The following LRRC49 variants were observed in gnomAD, a reference collection of about 807,000 sequenced individuals.
LRRC49 encodes leucine rich repeat containing 49, also known as leucine-rich repeat-containing protein 49.
In LRRC49, 50 loss-of-function variants were observed where a neutral mutation model predicts 83.3. The observed-to-expected ratio is 0.60, with a 90% confidence interval of 0.48 to 0.76. The LOEUF (loss-of-function observed/expected upper bound fraction) is 0.76, where lower values mean the gene tolerates loss of function less well. Ranked by LOEUF, LRRC49 falls within the 30% of genes least tolerant of loss-of-function variation. The pLI, the probability that LRRC49 is intolerant of heterozygous loss-of-function variation, is 0.00. For missense variants in LRRC49, 704 were observed against 809.1 expected (o/e 0.87, Z 1.58); for synonymous variants, 286 against 283.3 (o/e 1.01, Z -0.10).
intron 11 of LRRC49, among the ~76,000 whole-genome samples, chr15:70,994,442 C>T (rs1245407906): frequency 6.6e-6 from 1 of 152,032 alleles, no homozygotes; most frequent in Non-Finnish European, 1.5e-5. Context: ...AATTGTCACA[C>T]ACCTATTCTT....
At chr15:70,949,702 C>T (rs552205851) in intron 8 of LRRC49, among the ~76,000 whole-genome samples, 6 of 152,292 alleles carry the variant, frequency 3.9e-5, no homozygotes, top group African/African-American at 1.4e-4. Flanking sequence ...TATCACAATA[C>T]CTACACATCA....
chr15:71,009,897 C>G lies in LRRC49; in HGVS notation c.1498C>G (p.Pro500Ala), dbSNP rs569228547. The G allele has an allele frequency of 3.7e-6, 6 of 1,611,854 alleles. No individual in the cohort carries two copies. In the East Asian group the frequency reaches 1.1e-4, roughly 30 times the overall value. The change falls in exon 13 of 16, where the codon CCT (proline) becomes GCT (alanine). Residue 500 changes from proline (P) to alanine (A), a missense_variant. Physicochemically the swap from Pro to Ala is conservative, Grantham distance 27. Coordinates refer to ENST00000260382, the MANE Select transcript of LRRC49 (RefSeq NM_017691.5). ...TCGTATTGACCAGTTGACAATTGAT[C>G]CTCAAGGAAATCCAGTTGTCAATTT... Reference protein sequence around the residue: ...LRRIDQLTIDPQGNPVVNFTL... With the variant: ...LRRIDQLTIDAQGNPVVNFTL...
At position 71,012,846 on chromosome 15, in the gene LRRC49, A is replaced by G. The variant is rs913887001; in HGVS notation, c.1636A>G (p.Ile546Val). The G allele has an allele frequency of 3.7e-6, 6 of 1,613,168 alleles. No individual in the cohort carries two copies. The African/African-American group carries it at 8.0e-5, about 22-fold the overall frequency. The change falls in exon 14 of 16, where the codon ATC becomes GTC. Residue 546 changes from isoleucine (I) to valine (V), a missense_variant. Physicochemically the swap from Ile to Val is conservative, Grantham distance 29. Transcript: ENST00000260382. ...DMIMAERLFG[I>V]LAHVASSELP... ...GATAATGGCTGAAAGGCTCTTTGGA[A>G]TCCTAGCACATGTAGCATCTTCTGA...
Position 70,984,197 on chromosome 15 carries a change from C to G in LRRC49, c.1109C>G (p.Ser370Cys), listed in dbSNP as rs750012325. 3.0e-5 allele frequency: 49 copies of G among 1,613,268 alleles called. No individual in the cohort carries two copies. Among genetic ancestry groups the G allele is most frequent in the Non-Finnish European group, 9.3e-6 (11 of 1,179,500 alleles). ...ATNEDRKDSDSPQDPCQIDGS... is the reference protein window; with the variant it reads ...ATNEDRKDSDCPQDPCQIDGS... ...AATGAAGATAGAAAAGATTCTGACTCTCCTCAGGACCCCTGTCAGATTGAT... is the reference window on the plus strand; with the variant it reads ...AATGAAGATAGAAAAGATTCTGACTGTCCTCAGGACCCCTGTCAGATTGAT... Residue 370 changes from serine (S) to cysteine (C), a missense_variant, in exon 11 of 16, where the codon TCT becomes TGT. Physicochemically the swap from Ser to Cys is moderately radical, Grantham distance 112. This residue lies in a region of LRRC49 where 168 missense variants were observed against 140.6 expected (regional missense o/e 1.20). Coordinates refer to ENST00000260382, the MANE Select transcript of LRRC49 (RefSeq NM_017691.5).
At chr15:70,944,886 G>A (rs1170899739) in intron 8 of LRRC49, among the ~76,000 whole-genome samples, 1 of 152,054 alleles carries the variant, frequency 6.6e-6, no homozygotes, top group East Asian at 1.9e-4. Context: ...TATATAATCT[G>A]GGTATTCATT....
At chr15:70,892,139 T>G, upstream of LRRC49, 4 of 1,613,608 alleles carry the variant, frequency 2.5e-6, no homozygotes, top group Non-Finnish European at 3.4e-6. Context: ...ATTGCCTCCG[T>G]ACCAGTCGGC....
intron 9 of LRRC49, among the ~76,000 whole-genome samples, chr15:70,965,162 CTCTT>C (rs1186495344): frequency 1.3e-5 from 2 of 152,114 alleles, no homozygotes; most frequent in Non-Finnish European, 2.9e-5. Context: ...TCTTAAATTG[CTCTT>C]TCTAATGAGG....
chr15:70,873,222 A>G, exon 2 of LRRC49: 2 of 1,536,094 alleles, frequency 1.3e-6, no homozygotes, highest in Non-Finnish European at 1.7e-6. Context: ...TGCCAAGCTG[A>G]GGTAAGTCTA....
At chr15:70,855,227 C>T (rs1199918962) in intron 1 of LRRC49, among the ~76,000 whole-genome samples, 1 of 151,194 alleles carries the variant, frequency 6.6e-6, no homozygotes, top group Non-Finnish European at 1.5e-5. Context: ...CCCAGCTACT[C>T]GGGAGGCTGA....
intron 11 of LRRC49, among the ~76,000 whole-genome samples, chr15:71,002,069 A>C (rs986122154): frequency 1.6e-4 from 24 of 152,230 alleles, no homozygotes; most frequent in African/African-American, 5.8e-4. Flanking sequence ...ATTTTCTGTA[A>C]GTCTTCAAAA....
chr15:71,004,978 A>C (rs1046812360), intron 11 of LRRC49, among the ~76,000 whole-genome samples: 1 of 152,174 alleles, frequency 6.6e-6, no homozygotes, highest in Admixed American at 6.5e-5. Context: ...TGTAAAATAA[A>C]CCCCCATGAC....
chr15:70,891,567 C>CTGTGTGTGTGTGTGTGTGTGTGTGTG (rs3220843), upstream of LRRC49, among the ~76,000 whole-genome samples: 2 of 137,050 alleles, frequency 1.5e-5, no homozygotes, highest in Admixed American at 1.5e-4. Flanking sequence ...GGACAAGACT[C>CTGTGTGTGTGTGTGTGTGTGTGTGTG]TGTGTGTGTG....
At position 70,904,571 on chromosome 15, in the gene LRRC49, C is replaced by A; in HGVS notation, c.316C>A (p.Pro106Thr). Residue 106 changes from proline (P) to threonine (T), a missense_variant, in exon 5 of 16, where the codon CCT becomes ACT. By Grantham distance (38) the Pro-to-Thr change is conservative. Transcript: ENST00000260382. ...TTCTAGACAAAAGCTGACCGTATGTCCTATCATCAATGGGGAAGACCACCT... is the reference window on the plus strand; with the variant it reads ...TTCTAGACAAAAGCTGACCGTATGTACTATCATCAATGGGGAAGACCACCT... ...SLERQKLTVC[P>T]IINGEDHLRL... 1 of 1,612,916 alleles carries A rather than the reference C, an allele frequency of 6.2e-7. No homozygotes were observed. Among genetic ancestry groups the A allele is most frequent in the South Asian group, 1.1e-5 (1 of 90,996 alleles).
At chr15:70,860,118 G>A in intron 1 of LRRC49, 5 of 706,192 alleles carry the variant, frequency 7.1e-6, no homozygotes, top group Non-Finnish European at 1.3e-5. Context: ...TGAGACCCGT[G>A]ATGGGAAGCT....
At chr15:70,906,555 G>A (rs780442984) in intron 5 of LRRC49, among the ~76,000 whole-genome samples, 7 of 152,152 alleles carry the variant, frequency 4.6e-5, no homozygotes, top group Non-Finnish European at 1.0e-4. Context: ...TTTAAGCACT[G>A]CTCCTGGTTC....
intron 11 of LRRC49, among the ~76,000 whole-genome samples, chr15:71,001,113 T>G (rs779909109): frequency 2.0e-5 from 3 of 152,254 alleles, no homozygotes; most frequent in Non-Finnish European, 2.9e-5. Flanking sequence ...ATTCTCCCAT[T>G]TTGTCTTCCT....
intron 13 of LRRC49, 113 bp from the exon 14 acceptor site, chr15:71,012,691 T>G: frequency 1.6e-6 from 1 of 629,790 alleles, no homozygotes; most frequent in Non-Finnish European, 2.8e-6. Flanking sequence ...AGAATGTGCT[T>G]TTGTGGGCTT....
chr15:71,012,649 A>G lies in LRRC49; in HGVS notation c.1594-155A>G, dbSNP rs559083529. On this transcript the variant is annotated intron_variant, in intron 13 of 15. Transcript: ENST00000260382. ...TCATTTTAACTCAAGAAAGAAAAATATCAATGAAAACTCTTCTTTCCACAG... is the reference window on the plus strand; with the variant it reads ...TCATTTTAACTCAAGAAAGAAAAATGTCAATGAAAACTCTTCTTTCCACAG... 2.4e-4 allele frequency among the ~76,000 whole-genome samples: 36 copies of G among 152,348 alleles called. No individual in the cohort carries two copies. The East Asian group carries it at 5.2e-3, about 22-fold the overall frequency.
chr15:70,891,986 G>A (rs1172413726), upstream of LRRC49: 3 of 1,613,094 alleles, frequency 1.9e-6, no homozygotes, highest in African/African-American at 2.7e-5. Flanking sequence ...CCTCTTAGGT[G>A]CCGGGGCGGG....
Sources: gnomAD v4.1 joint callset for allele counts (sites outside exome capture counted in the v4.1 genomes callset) on GRCh38, gnomAD v4.1.1 for gene constraint, gnomAD v4.1.1 regional missense constraint, MANE v1.5 for transcripts, NCBI Gene and HGNC (gene_info 2026-07-23, HGNC 2026-07-21) for gene names.